PCDHGA8: variants seen among roughly 807,000 people sequenced by gnomAD.
The protein encoded by PCDHGA8 is protocadherin gamma-A8.
PCDHGA8 carries 45 observed loss-of-function variants against 59.2 expected under a neutral mutation model. The observed-to-expected ratio is 0.76, with a 90% CI of 0.60 to 0.98. PCDHGA8 has a LOEUF of 0.98. Among genes scored for constraint, PCDHGA8 ranks in the 50% least tolerant of loss-of-function variants. The pLI is 0.00. For missense variants in PCDHGA8, 1,257 were observed against 1,196.2 expected, an observed-to-expected ratio of 1.05 and a Z score of -0.75; for synonymous variants, 531 against 519.0, an observed-to-expected ratio of 1.02 and a Z score of -0.32.
At position 141,486,735 on chromosome 5, in the gene PCDHGA8, G is replaced by T; in HGVS notation, c.2425-8072G>T. 6.2e-7 allele frequency: 1 copy of T among 1,614,176 alleles called. No individual in the cohort carries two copies. The highest frequency in any genetic ancestry group is 1.1e-5 in the South Asian group (1 of 91,086). On this transcript the variant is annotated intron_variant, in intron 1 of 3. Coordinates refer to ENST00000398604, the MANE Select transcript of PCDHGA8 (RefSeq NM_032088.2). The surrounding 1 kb of genome is among the most constrained non-coding windows in gnomAD (Gnocchi z 5.0). Reference sequence around the variant, plus strand: ...CAGACAGGAGCTGTTCATGCTACTCGATCCTTTGACTATGAGCAAACCCAG... The same window carrying T: ...CAGACAGGAGCTGTTCATGCTACTCTATCCTTTGACTATGAGCAAACCCAG...
At position 141,431,516 on chromosome 5, in the gene PCDHGA8, G is replaced by C. The variant is rs941913367; in HGVS notation, c.2424+36279G>C. 3.1e-6 allele frequency: 5 copies of C among 1,613,954 alleles called. No homozygotes were observed. In the African/African-American group the frequency reaches 6.7e-5, roughly 22 times the overall value. On this transcript the variant is annotated intron_variant, in intron 1 of 3. Coordinates refer to ENST00000398604, the MANE Select transcript of PCDHGA8 (RefSeq NM_032088.2). This position sits in a 1 kb window ranked among gnomAD's most constrained non-coding sequence, Gnocchi z 4.8. ...GCCCGAGTACCGCGCGAGCGTTCCG[G>C]AGAATCTGGCCTTGGGCACGCAGCT... is the stretch of plus-strand genomic sequence containing the variant.
chr5:141,400,189 C>T (rs376855933), intron 1 of PCDHGA8: 52 of 1,613,938 alleles, frequency 3.2e-5, no homozygotes, highest in Non-Finnish European at 4.2e-5. Flanking sequence ...GCAGTTTTAC[C>T]TAGTGGTGGC....
chr5:141,434,440 T>C (rs1283641379), intron 1 of PCDHGA8, among the ~76,000 whole-genome samples: 2 of 152,238 alleles, frequency 1.3e-5, no homozygotes, highest in Non-Finnish European at 2.9e-5. Flanking sequence ...GTAATGCCCA[T>C]GCTGGAAGGT....
At chr5:141,474,722 C>G (rs1562046141) in intron 1 of PCDHGA8, among the ~76,000 whole-genome samples, 1 of 152,216 alleles carries the variant, frequency 6.6e-6, no homozygotes, top group Non-Finnish European at 1.5e-5. Flanking sequence ...TTCAAAAGGA[C>G]TCTATGCAAT....
Position 141,476,370 on chromosome 5 carries a change from A to G in PCDHGA8, c.2425-18437A>G, listed in dbSNP as rs747703594. 13 of 1,613,882 alleles carry G rather than the reference A, an allele frequency of 8.1e-6. No individual in the cohort carries two copies. In the East Asian group the frequency reaches 2.7e-4, roughly 33 times the overall value. On this transcript the variant is annotated intron_variant, in intron 1 of 3. Transcript: ENST00000398604. This position sits in a 1 kb window ranked among gnomAD's most constrained non-coding sequence, Gnocchi z 7.6. ...TTTGAGGTGAACCGGGAGACCGGAG[A>G]GATGTTTGTGAACGACCGTCTGGAT...
intron 1 of PCDHGA8, chr5:141,414,008 A>G (rs753686379): frequency 4.3e-6 from 7 of 1,613,188 alleles, no homozygotes; most frequent in Middle Eastern, 1.6e-4. Context: ...GAAGGTGCCA[A>G]TGGAGAAGTG....
intron 1 of PCDHGA8, chr5:141,409,913 G>A: frequency 6.2e-7 from 1 of 1,613,334 alleles, no homozygotes; most frequent in South Asian, 1.1e-5. Flanking sequence ...GGGTCCTGAC[G>A]GCTCCGCGTT....
intron 1 of PCDHGA8, chr5:141,409,411 AC>A (rs1172458730): frequency 6.2e-7 from 1 of 1,614,004 alleles, no homozygotes; most frequent in African/African-American, 1.3e-5. Flanking sequence ...ACTACTACAA[AC>A]TGGTGACAGA....
chr5:141,418,063 G>T (rs2015825), intron 1 of PCDHGA8: 734,858 of 1,613,808 alleles, frequency 0.46, 174,471 homozygotes, highest in African/African-American at 0.8. Flanking sequence ...AGCTGCGAGT[G>T]AGCGCGGAGA....
intron 1 of PCDHGA8, among the ~76,000 whole-genome samples, chr5:141,433,837 C>CAAAAAAAA (rs56191208): frequency 1.9e-4 from 21 of 111,692 alleles, no homozygotes; most frequent in Admixed American, 5.9e-4. Context: ...AACTCTATCT[C>CAAAAAAAA]AAAAAAAAAA....
chr5:141,450,851 G>T (rs1184272833), intron 1 of PCDHGA8, among the ~76,000 whole-genome samples: 1 of 142,602 alleles, frequency 7.0e-6, no homozygotes, highest in Non-Finnish European at 1.5e-5. Context: ...TTGAGATGGG[G>T]TCTTGCTCTG....
intron 1 of PCDHGA8, among the ~76,000 whole-genome samples, chr5:141,471,791 A>C (rs904614629): frequency 1.3e-5 from 2 of 152,238 alleles, no homozygotes; most frequent in Admixed American, 1.3e-4. Context: ...ATGCTATGTC[A>C]TATAAAAGAC....
At position 141,410,285 on chromosome 5, in the gene PCDHGA8, G is replaced by T. The variant is rs746596172; in HGVS notation, c.2424+15048G>T. 7 of 1,614,010 alleles carry T rather than the reference G, an allele frequency of 4.3e-6. No homozygotes were observed. The Admixed American group carries it at 1.2e-4, about 27-fold the overall frequency. ...TGAACTGCAGTTTTACCTGGTGGTGGCCTTGGCCTTAATCTCAGTGCTCTT... is the reference window on the plus strand; with the variant it reads ...TGAACTGCAGTTTTACCTGGTGGTGTCCTTGGCCTTAATCTCAGTGCTCTT... On this transcript the variant is annotated intron_variant, in intron 1 of 3. Coordinates refer to ENST00000398604, the MANE Select transcript of PCDHGA8 (RefSeq NM_032088.2).
intron 1 of PCDHGA8, chr5:141,430,668 C>T (rs538633559): frequency 1.6e-6 from 2 of 1,243,872 alleles, no homozygotes; most frequent in East Asian, 2.5e-5. Context: ...GGAGCTCTGA[C>T]TTCCCAACTG....
At chr5:141,422,984 G>T in intron 1 of PCDHGA8, 2 of 1,614,230 alleles carry the variant, frequency 1.2e-6, no homozygotes, top group Non-Finnish European at 1.7e-6. Flanking sequence ...GCGGAACCTG[G>T]CTACCTGGTG....
At chr5:141,449,215 T>C (rs2098631967) in intron 1 of PCDHGA8, among the ~76,000 whole-genome samples, 2 of 152,170 alleles carry the variant, frequency 1.3e-5, no homozygotes, top group Non-Finnish European at 2.9e-5. Context: ...ACTTTCTGTT[T>C]TGAAATGATT....
intron 1 of PCDHGA8, among the ~76,000 whole-genome samples, chr5:141,452,276 C>A (rs1160292593): frequency 2.6e-5 from 4 of 152,172 alleles, no homozygotes; most frequent in Admixed American, 6.5e-5. Flanking sequence ...TGAACCCTTT[C>A]TTACTTTCTG....
At chr5:141,417,826 A>T in intron 1 of PCDHGA8, 1 of 1,519,618 alleles carries the variant, frequency 6.6e-7, no homozygotes. Flanking sequence ...CTCCAACTGG[A>T]AAAGCGGGGA....
chr5:141,464,707 A>G (rs1052234067), intron 1 of PCDHGA8, among the ~76,000 whole-genome samples: 13 of 152,112 alleles, frequency 8.5e-5, no homozygotes, highest in African/African-American at 3.1e-4. Flanking sequence ...ATGAGGTTAA[A>G]TAGTTTTTCA....
Sources: gnomAD v4.1 joint callset for allele counts (sites outside exome capture counted in the v4.1 genomes callset) on GRCh38, gnomAD v4.1.1 for gene constraint, Gnocchi (gnomAD v3.1) non-coding constraint, MANE v1.5 for transcripts, NCBI Gene and HGNC (gene_info 2026-07-23, HGNC 2026-07-21) for gene names.